The following CSNK1G3 variants were observed in gnomAD, a reference collection of about 807,000 sequenced individuals.
The protein encoded by CSNK1G3 is casein kinase I isoform gamma-3.
A neutral mutation model predicts 64.3 loss-of-function variants in CSNK1G3; 23 were observed. The ratio of observed to expected loss-of-function variants is 0.36; its 90% CI spans 0.26 to 0.51. The LOEUF (loss-of-function observed/expected upper bound fraction) is 0.51. Ranked by LOEUF, CSNK1G3 falls within the 20% of genes least tolerant of loss-of-function variation. The pLI is 0.96. For missense variants in CSNK1G3, 357 were observed against 510.5 expected (o/e 0.70, Z 2.90); for synonymous variants, 158 against 162.2 (o/e 0.97, Z 0.20).
intron 1 of CSNK1G3, among the ~76,000 whole-genome samples, chr5:123,537,660 T>C (rs1423109963): frequency 6.6e-6 from 1 of 152,192 alleles, no homozygotes; most frequent in Non-Finnish European, 1.5e-5. Context: ...TTTTTATGTG[T>C]GTATGGGGGC....
At chr5:123,575,597 T>C (rs1789008406) in intron 5 of CSNK1G3, 132 bp from the exon 6 acceptor site, 1 of 623,646 alleles carries the variant, frequency 1.6e-6, no homozygotes, top group Admixed American at 3.0e-5. Flanking sequence ...GACATCATTT[T>C]ACTTTTAAAG....
intron 2 of CSNK1G3, among the ~76,000 whole-genome samples, chr5:123,551,493 A>G (rs1158309977): frequency 1.3e-5 from 2 of 152,156 alleles, no homozygotes; most frequent in Non-Finnish European, 2.9e-5. Flanking sequence ...TATGACACCT[A>G]TGTTACTTAG....
chr5:123,582,988 G>A (rs1790584356), intron 6 of CSNK1G3, among the ~76,000 whole-genome samples: 1 of 152,166 alleles, frequency 6.6e-6, no homozygotes, highest in Non-Finnish European at 1.5e-5. Flanking sequence ...TAATATTTAT[G>A]GCTTGAATTT....
Position 123,528,438 on chromosome 5 carries a change from A to G in CSNK1G3, c.-248+15868A>G, listed in dbSNP as rs147358198. On this transcript the variant is annotated intron_variant, in intron 1 of 12. Coordinates refer to ENST00000345990, the Ensembl canonical transcript of CSNK1G3. ...GAACTTTTAATCAATGTTGACTGCT[A>G]TGTGTTATAGTAGGTATTAGGGAGA... is the stretch of plus-strand genomic sequence containing the variant. 1.6e-3 allele frequency among the ~76,000 whole-genome samples: 246 copies of G among 152,294 alleles called. 1 individual carries two copies. Among genetic ancestry groups the G allele is most frequent in the African/African-American group, 5.4e-3 (225 of 41,570 alleles).
intron 1 of CSNK1G3, among the ~76,000 whole-genome samples, chr5:123,525,573 G>C (rs933467460): frequency 6.6e-6 from 1 of 152,070 alleles, no homozygotes; most frequent in Non-Finnish European, 1.5e-5. Flanking sequence ...GGGATTACAG[G>C]CGTGAGGCAC....
At chr5:123,615,676 GAC>G (rs529449006) in exon 13 of CSNK1G3, 23 of 152,248 alleles carry the variant, frequency 1.5e-4, no homozygotes, top group Non-Finnish European at 2.6e-4. Context: ...AAGCCATAAA[GAC>G]ACACATGTAG....
intron 1 of CSNK1G3, among the ~76,000 whole-genome samples, chr5:123,513,125 T>G (rs1479841235): frequency 6.6e-6 from 1 of 152,180 alleles, no homozygotes; most frequent in Non-Finnish European, 1.5e-5. Flanking sequence ...GGGATTTACC[T>G]GTTTCTTAGA....
At chr5:123,521,836 C>T (rs942480066) in intron 1 of CSNK1G3, among the ~76,000 whole-genome samples, 13 of 151,642 alleles carry the variant, frequency 8.6e-5, no homozygotes, top group Admixed American at 8.5e-4. Flanking sequence ...GGCCCGAGTT[C>T]ATATTACAGT....
chr5:123,569,188 A>G (rs1787573911), intron 4 of CSNK1G3, among the ~76,000 whole-genome samples: 1 of 152,196 alleles, frequency 6.6e-6, no homozygotes, highest in Non-Finnish European at 1.5e-5. Context: ...TTTTCCTCCA[A>G]AAGCAAAAGG....
intron 3 of CSNK1G3, among the ~76,000 whole-genome samples, chr5:123,555,130 TTTGTC>T (rs1168500134): frequency 6.6e-6 from 1 of 152,200 alleles, no homozygotes; most frequent in Non-Finnish European, 1.5e-5. Context: ...TCCTCTCTGT[TTTGTC>T]TTTCTTTAAA....
At chr5:123,560,123 G>T (rs1464672469) in intron 4 of CSNK1G3, among the ~76,000 whole-genome samples, 1 of 152,038 alleles carries the variant, frequency 6.6e-6, no homozygotes, top group Non-Finnish European at 1.5e-5. Context: ...ATAAAAAAAT[G>T]CTCAACACCA....
intron 4 of CSNK1G3, among the ~76,000 whole-genome samples, chr5:123,568,864 C>T (rs1787493041): frequency 6.6e-6 from 1 of 152,160 alleles, no homozygotes; most frequent in African/African-American, 2.4e-5. Context: ...TGTCTAACAT[C>T]ATTTCCATAG....
chr5:123,585,058 C>G (rs777337483), intron 6 of CSNK1G3, among the ~76,000 whole-genome samples: 3 of 151,962 alleles, frequency 2.0e-5, no homozygotes, highest in Admixed American at 6.6e-5. Context: ...TCATTGATTT[C>G]CTCATTTGTC....
At chr5:123,574,976 T>G (rs967834617) in intron 5 of CSNK1G3, among the ~76,000 whole-genome samples, 1 of 152,188 alleles carries the variant, frequency 6.6e-6, no homozygotes, top group African/African-American at 2.4e-5. Context: ...TTAAACAAAC[T>G]AGAATGGCCT....
chr5:123,582,226 G>A (rs1790440081), intron 6 of CSNK1G3, among the ~76,000 whole-genome samples: 1 of 152,080 alleles, frequency 6.6e-6, no homozygotes, highest in South Asian at 2.1e-4. Context: ...AGATATAAGA[G>A]TAGAATTTTT....
At chr5:123,604,965 A>G in intron 11 of CSNK1G3, 135 bp downstream of exon 12, 1 of 632,786 alleles carries the variant, frequency 1.6e-6, no homozygotes, top group East Asian at 2.8e-5. Context: ...GGTATGCTTA[A>G]TTATTTTAAT....
At chr5:123,552,672 A>C (rs1196143915) in intron 2 of CSNK1G3, among the ~76,000 whole-genome samples, 1 of 152,204 alleles carries the variant, frequency 6.6e-6, no homozygotes. Flanking sequence ...ACTGGATTAA[A>C]TATGAGCCCT....
intron 10 of CSNK1G3, among the ~76,000 whole-genome samples, chr5:123,602,899 G>A (rs898576979): frequency 6.6e-6 from 1 of 152,048 alleles, no homozygotes; most frequent in Non-Finnish European, 1.5e-5. Flanking sequence ...TAACATTTAT[G>A]TATTGATCTC....
intron 10 of CSNK1G3, 66 bp from the exon 11 acceptor site, chr5:123,594,973 A>G (rs1029447454): frequency 2.2e-6 from 3 of 1,357,014 alleles, no homozygotes; most frequent in African/African-American, 1.4e-5. Context: ...TATTATGAGG[A>G]TAAAATGTTT....
Sources: gnomAD v4.1 joint callset for allele counts (sites outside exome capture counted in the v4.1 genomes callset) on GRCh38, gnomAD v4.1.1 for gene constraint, MANE v1.5 for transcripts, NCBI Gene and HGNC (gene_info 2026-07-23, HGNC 2026-07-21) for gene names.